Variants in ABCD3 observed in about 807,000 individuals in gnomAD.
The protein encoded by ABCD3 is ATP-binding cassette sub-family D member 3.
ABCD3 carries 41 observed loss-of-function variants against 105.5 expected under a neutral mutation model. The ratio of observed to expected loss-of-function variants is 0.39; its 90% CI spans 0.30 to 0.50. ABCD3 has a LOEUF of 0.50. Among genes scored for constraint, ABCD3 ranks in the 20% least tolerant of loss-of-function variants. ABCD3 has a pLI of 0.84. For synonymous variants in ABCD3, 258 were observed against 269.0 expected (o/e 0.96, Z 0.40); for missense variants, 622 against 806.3 (o/e 0.77, Z 2.77).
At chr1:94,445,263 T>G (rs1052256159) in intron 1 of ABCD3, among the ~76,000 whole-genome samples, 1 of 152,184 alleles carries the variant, frequency 6.6e-6, no homozygotes, top group Non-Finnish European at 1.5e-5. Flanking sequence ...CTAGCGCCAC[T>G]GGGTTAAGGT....
chr1:94,421,620 A>G (rs1452464732), intron 1 of ABCD3, among the ~76,000 whole-genome samples: 1 of 151,160 alleles, frequency 6.6e-6, no homozygotes, highest in Non-Finnish European at 1.5e-5. Context: ...TTGTTTTCTC[A>G]GGGAGCTTAC....
At chr1:94,436,967 A>G (rs530045682) in intron 1 of ABCD3, among the ~76,000 whole-genome samples, 156 of 152,352 alleles carry the variant, frequency 1.0e-3, no homozygotes, top group African/African-American at 3.6e-3. Context: ...CCCTTAAGCT[A>G]AAACCTAATC....
the ABCD3 span, among the ~76,000 whole-genome samples, chr1:94,407,113 G>T: frequency 3.9e-5 from 6 of 152,102 alleles, no homozygotes; most frequent in South Asian, 1.0e-3. Context: ...TTAGCTTAGG[G>T]AGAACTGACA....
chr1:94,500,218 G>A (rs1012654828), intron 20 of ABCD3, among the ~76,000 whole-genome samples: 4 of 152,064 alleles, frequency 2.6e-5, no homozygotes, highest in African/African-American at 4.8e-5. Flanking sequence ...AAAAATATGC[G>A]CTAAACACTA....
At chr1:94,510,802 A>G (rs1313948131) in intron 21 of ABCD3, among the ~76,000 whole-genome samples, 1 of 152,160 alleles carries the variant, frequency 6.6e-6, no homozygotes, top group Non-Finnish European at 1.5e-5. Context: ...ATCAGAGGCT[A>G]GGATCACAAC....
chr1:94,401,175 A>T, the ABCD3 span, among the ~76,000 whole-genome samples: 1 of 152,252 alleles, frequency 6.6e-6, no homozygotes, highest in Non-Finnish European at 1.5e-5. Flanking sequence ...ATAAGCAGCC[A>T]AAAACGGATT....
intron 2 of ABCD3, among the ~76,000 whole-genome samples, chr1:94,462,281 A>G (rs1428543844): frequency 6.6e-6 from 1 of 152,104 alleles, no homozygotes; most frequent in East Asian, 1.9e-4. Flanking sequence ...AAAGTTTGGA[A>G]GTGGGAAAAG....
chr1:94,499,639 A>G (rs762148553), intron 20 of ABCD3, 25 bp downstream of exon 20: 5 of 1,612,750 alleles, frequency 3.1e-6, no homozygotes, highest in East Asian at 2.2e-5. Context: ...AAGAAGTTGC[A>G]CAAGAATGCA....
intron 7 of ABCD3, 106 bp downstream of exon 7, chr1:94,475,843 ATATT>A: frequency 5.8e-6 from 5 of 866,870 alleles, no homozygotes; most frequent in Admixed American, 2.6e-5. Context: ...CAGCATGTAA[ATATT>A]TAATGCTTTT....
At position 94,517,134 on chromosome 1, in the gene ABCD3, A is replaced by C; in HGVS notation, c.*5A>C. 6.3e-7 allele frequency: 1 copy of C among 1,596,906 alleles called. No homozygotes were observed. Among genetic ancestry groups the C allele is most frequent in the Non-Finnish European group, 8.6e-7 (1 of 1,164,982 alleles). On this transcript the variant is annotated 3_prime_UTR_variant, in exon 23 of 23. Coordinates refer to ENST00000370214, the MANE Select transcript of ABCD3 (RefSeq NM_002858.4). ...ACAGTTGAGTTTGGCTCTTAGAGAAATCTGGAGAACTATACCTGCTTCAGT... is the reference window on the plus strand; with the variant it reads ...ACAGTTGAGTTTGGCTCTTAGAGAACTCTGGAGAACTATACCTGCTTCAGT...
upstream of ABCD3, among the ~76,000 whole-genome samples, chr1:94,414,822 T>C (rs1658969929): frequency 6.6e-6 from 1 of 152,240 alleles, no homozygotes; most frequent in African/African-American, 2.4e-5. Context: ...GGTCACAGTG[T>C]CTGCATAATA....
rs145301366 is a variant in ABCD3 at position 94,456,941 on chromosome 1, C to T, written c.111-1666C>T. 3.6e-3 allele frequency among the ~76,000 whole-genome samples: 554 copies of T among 152,226 alleles called. 1 individual carries two copies. Among genetic ancestry groups the T allele is most frequent in the African/African-American group, 0.013 (528 of 41,524 alleles). Reference sequence around the variant, plus strand: ...CTTTTATCTTTTTGATAATAGTCATCCTAAGAAGTATGAGTATTATCCCAT... The same window carrying T: ...CTTTTATCTTTTTGATAATAGTCATTCTAAGAAGTATGAGTATTATCCCAT... On this transcript the variant is annotated intron_variant, in intron 1 of 22. Transcript: ENST00000370214.
upstream of ABCD3, among the ~76,000 whole-genome samples, chr1:94,414,668 T>C (rs1227385319): frequency 6.6e-6 from 1 of 152,130 alleles, no homozygotes; most frequent in Non-Finnish European, 1.5e-5. Context: ...AGTTAAACAT[T>C]GCAAACTTTT....
chr1:94,468,199 G>A (rs1464950421), intron 4 of ABCD3, among the ~76,000 whole-genome samples, 192 bp downstream of exon 4: 2 of 152,084 alleles, frequency 1.3e-5, no homozygotes, highest in Non-Finnish European at 2.9e-5. Flanking sequence ...ATACTGTGAT[G>A]GGGTCTATAT....
rs374037407 is a variant in ABCD3, at chr1:94,502,968, G to A, written c.1740+3354G>A. 1.2e-4 allele frequency among the ~76,000 whole-genome samples: 19 copies of A among 152,258 alleles called. 1 individual carries two copies. The South Asian group carries it at 3.1e-3, about 25-fold the overall frequency. ...CAAGCTTGTCCAACCTGTGGCTCAC[G>A]GACACATGCAGCCCAGGACAGCTTT... On this transcript the variant is annotated intron_variant, in intron 20 of 22. Coordinates refer to ENST00000370214, the MANE Select transcript of ABCD3 (RefSeq NM_002858.4).
chr1:94,490,505 T>A (rs1649479156), intron 15 of ABCD3, among the ~76,000 whole-genome samples: 1 of 152,204 alleles, frequency 6.6e-6, no homozygotes, highest in South Asian at 2.1e-4. Context: ...TCTTTTTGTG[T>A]CTTGCTTATT....
intron 1 of ABCD3, among the ~76,000 whole-genome samples, chr1:94,444,129 C>G (rs112266227): frequency 1.1e-4 from 16 of 152,034 alleles, no homozygotes; most frequent in African/African-American, 3.6e-4. Flanking sequence ...GTCAAGAGAT[C>G]AAGACCATCC....
the ABCD3 span, among the ~76,000 whole-genome samples, chr1:94,405,669 T>G: frequency 6.6e-6 from 1 of 152,342 alleles, no homozygotes; most frequent in Non-Finnish European, 1.5e-5. Context: ...TATCTTGCAT[T>G]TCTTTATTAG....
intron 5 of ABCD3, 44 bp downstream of exon 5, chr1:94,473,879 C>T: frequency 2.0e-6 from 3 of 1,470,778 alleles, no homozygotes; most frequent in Non-Finnish European, 2.9e-6. Flanking sequence ...GGGAAATTTG[C>T]ATCTTATTAA....
Sources: gnomAD v4.1 joint callset for allele counts (sites outside exome capture counted in the v4.1 genomes callset) on GRCh38, gnomAD v4.1.1 for gene constraint, MANE v1.5 for transcripts, NCBI Gene and HGNC (gene_info 2026-07-23, HGNC 2026-07-21) for gene names.